Variants in PRSS55 observed in about 807,000 individuals in gnomAD.
PRSS55 encodes probable serine protease UNQ9391/PRO34284.
In PRSS55, 41 loss-of-function variants were observed where a neutral mutation model predicts 23.6. The ratio of observed to expected loss-of-function variants is 1.74; its 90% CI spans 1.35 to 2.26. The LOEUF (loss-of-function observed/expected upper bound fraction) is 2.26, where lower values mean the gene tolerates loss of function less well. PRSS55 is among the 30% of genes most tolerant of loss of function. The pLI is 0.00. For missense variants in PRSS55, 669 were observed against 439.1 expected (o/e 1.52, Z -4.68); for synonymous variants, 262 against 175.5 (o/e 1.49, Z -3.90).
downstream of PRSS55, chr8:10,541,599 T>G (rs1812657930): frequency 6.6e-6 from 1 of 152,168 alleles, no homozygotes; most frequent in Non-Finnish European, 1.5e-5. Context: ...TCTGTACCTA[T>G]ATCTATATTT....
chr8:10,528,995 C>G (rs1250617206), intron 1 of PRSS55, among the ~76,000 whole-genome samples: 1 of 152,170 alleles, frequency 6.6e-6, no homozygotes, highest in East Asian at 1.9e-4. Flanking sequence ...CTCAGTGATT[C>G]CACTGGCCCC....
chr8:10,538,149 T>G (rs1444745192), intron 4 of PRSS55, among the ~76,000 whole-genome samples: 1 of 152,180 alleles, frequency 6.6e-6, no homozygotes, highest in Non-Finnish European at 1.5e-5. Context: ...TCTCATTTGA[T>G]AAGACCCTCA....
intron 2 of PRSS55, among the ~76,000 whole-genome samples, chr8:10,530,588 A>G (rs1812216894): frequency 6.6e-6 from 1 of 152,112 alleles, no homozygotes; most frequent in African/African-American, 2.4e-5. Flanking sequence ...TGTCCAATAC[A>G]CTGAGGCTGC....
chr8:10,549,687 C>T (rs4282526), intron 4 of PRSS55, among the ~76,000 whole-genome samples: 46,388 of 152,052 alleles, frequency 0.31, 7,418 homozygotes, highest in South Asian at 0.41. Context: ...TCGGTTCCAA[C>T]GCTCAGTGCC....
At chr8:10,551,745 AC>A (rs1812956543) in intron 4 of PRSS55, among the ~76,000 whole-genome samples, 1 of 152,056 alleles carries the variant, frequency 6.6e-6, no homozygotes, top group African/African-American at 2.4e-5. Flanking sequence ...AGAAGCTCCC[AC>A]CCCATCCTTT....
downstream of PRSS55, among the ~76,000 whole-genome samples, chr8:10,543,075 A>T (rs558893037): frequency 6.6e-6 from 1 of 151,914 alleles, no homozygotes; most frequent in East Asian, 1.9e-4. Flanking sequence ...CCTACCTCTG[A>T]CTCCAGAGGT....
Position 10,538,575 on chromosome 8 carries a change from A to AC in PRSS55, c.845dup (p.Gly283ArgfsTer75), listed in dbSNP as rs1287486144. 1 of 1,613,938 alleles carries AC rather than the reference A, an allele frequency of 6.2e-7. No individual in the cohort carries two copies. Among genetic ancestry groups the AC allele is most frequent in the African/African-American group, 1.3e-5 (1 of 74,882 alleles). ...GGGAAAGAGCTGTGGAGAGAAGAACACCCCAGGGATATACACCTCGTTGGT... is the reference window on the plus strand; with the variant it reads ...GGGAAAGAGCTGTGGAGAGAAGAACACCCCCAGGGATATACACCTCGTTGGT... On this transcript the variant is annotated frameshift_variant, in exon 5 of 5. Transcript: ENST00000328655. LOFTEE classifies it low-confidence loss of function (END_TRUNC).
chr8:10,549,803 A>G (rs944748046), intron 4 of PRSS55, among the ~76,000 whole-genome samples: 6 of 152,220 alleles, frequency 3.9e-5, no homozygotes, highest in Admixed American at 2.6e-4. Context: ...TCATTTCTCT[A>G]AACTGCAATT....
chr8:10,527,652 G>A (rs1278726108), intron 1 of PRSS55, among the ~76,000 whole-genome samples: 1 of 152,240 alleles, frequency 6.6e-6, no homozygotes, highest in South Asian at 2.1e-4. Context: ...ATGGCGCAGT[G>A]GTGAGAGCAC....
downstream of PRSS55, among the ~76,000 whole-genome samples, chr8:10,539,030 G>C (rs1812560002): frequency 3.3e-5 from 5 of 151,470 alleles, no homozygotes; most frequent in Admixed American, 3.3e-4. Flanking sequence ...GCCAAAATGA[G>C]GCATTTATGG....
rs1437838808 is a variant in PRSS55, at chr8:10,533,031, A to G, written c.724A>G (p.Ser242Gly). Residue 242 changes from serine to glycine, a missense_variant, in exon 4 of 5, where the codon AGC becomes GGC. Ser to Gly is a moderately conservative substitution (Grantham distance 56). Coordinates refer to ENST00000328655, the MANE Select transcript of PRSS55 (RefSeq NM_198464.4). ...NMLCAGYKNE[S>G]YDACKGDSGG... ...GCTGTGTGCCGGATACAAGAATGAG[A>G]GCTATGATGCCTGCAAGGTAACTAG... 6.2e-7 allele frequency: 1 copy of G among 1,614,176 alleles called. No homozygotes were observed. The highest frequency in any genetic ancestry group is 8.5e-7 in the Non-Finnish European group (1 of 1,180,032).
At position 10,529,697 on chromosome 8, in the gene PRSS55, G is replaced by GT; in HGVS notation, c.347dup (p.Pro117SerfsTer15). On this transcript the variant is annotated frameshift_variant and splice_region_variant, in exon 2 of 5. Coordinates refer to ENST00000328655, the MANE Select transcript of PRSS55 (RefSeq NM_198464.4). LOFTEE classifies it high-confidence loss of function. ...CTCACTGCTTATATTCCGAGGAGCT[G>GT]TTGTAAGTACCATGGGCCTCCCACT... 1 of 1,611,754 alleles carries GT rather than the reference G, an allele frequency of 6.2e-7. No individual in the cohort carries two copies.
At chr8:10,553,870 A>G in intron 4 of PRSS55, 1 of 1,014,674 alleles carries the variant, frequency 9.9e-7, no homozygotes. Context: ...ATGTATACAT[A>G]AATCAAAGCA....
Position 10,532,389 on chromosome 8 carries a change from T to C in PRSS55, c.599-517T>C, listed in dbSNP as rs76859330. 9.8e-3 allele frequency among the ~76,000 whole-genome samples: 1,489 copies of C among 152,250 alleles called. 23 individuals carry two copies. The highest frequency in any genetic ancestry group is 0.034 in the African/African-American group (1,393 of 41,544). On this transcript the variant is annotated intron_variant, in intron 3 of 4. Transcript: ENST00000328655. ...TGAGATGGAGAGGAATTCAGGTGAA[T>C]TCCCGGCATCTGGCGGCCCAGAAAG...
At chr8:10,545,648 G>T (rs1303536463) in intron 4 of PRSS55, among the ~76,000 whole-genome samples, 1 of 152,210 alleles carries the variant, frequency 6.6e-6, no homozygotes, top group African/African-American at 2.4e-5. Context: ...TAAGGTATAA[G>T]AGGATCACAT....
Position 10,554,014 on chromosome 8 carries a change from C to CT in PRSS55, c.816dup (p.His273SerfsTer26). ...AAACAAAGCCGCCTGGGTCTCACAC[C>CT]TTTCATCTGCAAAACTGATGCTTTG... On this transcript the variant is annotated frameshift_variant, in exon 5 of 5. Transcript: ENST00000522210. LOFTEE classifies it high-confidence loss of function. The CT allele has an allele frequency of 1.3e-6, 2 of 1,529,438 alleles. No individual in the cohort carries two copies. Among genetic ancestry groups the CT allele is most frequent in the Non-Finnish European group, 1.7e-6 (2 of 1,143,982 alleles). The allele number at this position is 1,529,438 out of a possible 1,614,324, so 94.7% of individuals were successfully genotyped here. A position where few individuals can be genotyped will look rare whatever the true frequency, so the allele number is the denominator to read the frequency against.
Position 10,531,296 on chromosome 8 carries a change from C to A in PRSS55, c.349C>A (p.Pro117Thr). 1 of 1,613,916 alleles carries A rather than the reference C, an allele frequency of 6.2e-7. No individual in the cohort carries two copies. Residue 117 changes from proline to threonine, a missense_variant and splice_region_variant, in exon 3 of 5, where the codon CCA (proline) becomes ACA (threonine). Transcript: ENST00000328655. ...CCCTCTCTGGTTCTCTGCCACCAGT[C>A]CAGAAGAACTGAGTGTCGTGCTGGG... ...AHCLYSEELF[P>T]EELSVVLGTN...
chr8:10,542,805 G>A (rs367761332), downstream of PRSS55, among the ~76,000 whole-genome samples: 25 of 151,218 alleles, frequency 1.7e-4, no homozygotes, highest in African/African-American at 4.6e-4. Context: ...CCCGGGAGGC[G>A]GAGGTTGCAG....
chr8:10,551,600 C>A (rs982872237), intron 4 of PRSS55, among the ~76,000 whole-genome samples: 1 of 152,196 alleles, frequency 6.6e-6, no homozygotes, highest in African/African-American at 2.4e-5. Context: ...TAGGGGCACC[C>A]CACAGAGGGG....
Sources: gnomAD v4.1 joint callset for allele counts (sites outside exome capture counted in the v4.1 genomes callset) on GRCh38, gnomAD v4.1.1 for gene constraint, MANE v1.5 for transcripts, NCBI Gene and HGNC (gene_info 2026-07-23, HGNC 2026-07-21) for gene names.